Variants in LTBP2 observed in about 807,000 individuals in gnomAD.
LTBP2 encodes latent transforming growth factor beta binding protein 2, also known as latent-transforming growth factor beta-binding protein 2.
Under a neutral mutation model 210.6 loss-of-function variants are expected in LTBP2, and 103 were observed. The observed-to-expected ratio is 0.49, with a 90% confidence interval of 0.42 to 0.58. LTBP2 has a LOEUF of 0.58. Among genes scored for constraint, LTBP2 ranks in the 20% least tolerant of loss-of-function variants. The pLI is 0.00. For synonymous variants in LTBP2, 1,007 were observed against 1,015.0 expected (o/e 0.99, Z 0.15); for missense variants, 2,313 against 2,494.5 (o/e 0.93, Z 1.55).
At chr14:74,552,798 G>A in intron 5 of LTBP2, 94 bp downstream of exon 5, 1 of 1,470,090 alleles carries the variant, frequency 6.8e-7, no homozygotes, top group East Asian at 2.5e-5. Flanking sequence ...CCACAGTTTG[G>A]GAGCAGCGGG....
At chr14:74,594,438 T>A (rs2139797479) in intron 2 of LTBP2, among the ~76,000 whole-genome samples, 2 of 152,272 alleles carry the variant, frequency 1.3e-5, no homozygotes, top group South Asian at 4.2e-4. Flanking sequence ...GAAGCTCAGC[T>A]GCTTCCCAGG....
At chr14:74,540,956 T>C (rs1459855655) in intron 8 of LTBP2, among the ~76,000 whole-genome samples, 2 of 134,826 alleles carry the variant, frequency 1.5e-5, no homozygotes, top group East Asian at 4.1e-4. Flanking sequence ...TTTTTATATA[T>C]GTAGGTTAAA....
intron 3 of LTBP2, among the ~76,000 whole-genome samples, chr14:74,566,751 C>T (rs1159295001): frequency 1.3e-5 from 2 of 152,174 alleles, no homozygotes; most frequent in African/African-American, 4.8e-5. Context: ...CCCTCTCCCC[C>T]GTGTCCCCAA....
At chr14:74,542,820 G>T (rs2087526251) in intron 8 of LTBP2, among the ~76,000 whole-genome samples, 1 of 150,472 alleles carries the variant, frequency 6.6e-6, no homozygotes, top group South Asian at 2.1e-4. Context: ...AGGCTGGAGT[G>T]CAGTGGCGCG....
At position 74,555,491 on chromosome 14, in the gene LTBP2, G is replaced by A. The variant is rs778416368; in HGVS notation, c.1021+12C>T. ...CCCTGCTCTTCTAGGACCCAAGACA[G>A]GGTATCCTTACCCCAGGGGGATGAG... On this transcript the variant is annotated intron_variant, in intron 4 of 35. Coordinates refer to ENST00000261978, the MANE Select transcript of LTBP2 (RefSeq NM_000428.3). The A allele has an allele frequency of 1.9e-6, 3 of 1,612,908 alleles. No individual in the cohort carries two copies. The South Asian group carries it at 3.3e-5, about 18-fold the overall frequency.
intron 3 of LTBP2, among the ~76,000 whole-genome samples, chr14:74,558,632 A>G (rs2087757912): frequency 6.6e-6 from 1 of 151,468 alleles, no homozygotes; most frequent in African/African-American, 2.4e-5. Context: ...AGAGCTCTCC[A>G]GTCTGGTCAG....
chr14:74,575,200 C>A (rs767292673), intron 3 of LTBP2, among the ~76,000 whole-genome samples: 24 of 152,210 alleles, frequency 1.6e-4, no homozygotes, highest in African/African-American at 5.8e-4. Context: ...ACCTGTACCC[C>A]CTAAGGCCAG....
intron 3 of LTBP2, among the ~76,000 whole-genome samples, chr14:74,565,353 T>C (rs1447488419): frequency 1.3e-5 from 2 of 152,132 alleles, no homozygotes; most frequent in East Asian, 1.9e-4. Flanking sequence ...TCTTAAATGA[T>C]GATTATTGCA....
chr14:74,566,074 T>A (rs1176105508), intron 3 of LTBP2, among the ~76,000 whole-genome samples: 2 of 152,102 alleles, frequency 1.3e-5, no homozygotes, highest in Non-Finnish European at 2.9e-5. Flanking sequence ...AGCTGGGTTT[T>A]TTTTTTTAAT....
At chr14:74,589,070 A>G (rs1040792195) in intron 2 of LTBP2, among the ~76,000 whole-genome samples, 1 of 152,192 alleles carries the variant, frequency 6.6e-6, no homozygotes, top group South Asian at 2.1e-4. Flanking sequence ...GCACATCTCA[A>G]TTGGCCCTGA....
chr14:74,560,527 C>G (rs1305348212), intron 3 of LTBP2, among the ~76,000 whole-genome samples: 2 of 152,220 alleles, frequency 1.3e-5, no homozygotes, highest in Non-Finnish European at 2.9e-5. Context: ...TGCCCACACC[C>G]TGCCCGACAC....
chr14:74,548,325 G>C (rs3825711), intron 8 of LTBP2, among the ~76,000 whole-genome samples: 123,533 of 151,788 alleles, frequency 0.81, 53,109 homozygotes, highest in Non-Finnish European at 0.97. Context: ...CAGCACTCAG[G>C]ACTTGACCAG....
rs754925929 is a variant in LTBP2, at chr14:74,532,442, C to T, written c.1971G>A (p.Ser657=). 19 of 1,614,020 alleles carry T rather than the reference C, an allele frequency of 1.2e-5. No individual in the cohort carries two copies. The highest frequency in any genetic ancestry group is 3.3e-5 in the South Asian group (3 of 91,082). The change falls in exon 10 of 36, where the codon TCG becomes TCA. Residue 657 remains serine (S), a synonymous_variant. Transcript: ENST00000261978. ...TCRPGLMLDP[S]RSRCVSDKAI... ...AGCACTCACACACACAGCGGCTCCG[C>T]GATGGATCCAGCATGAGGCCAGGTC...
rs150924217 is a variant in LTBP2 at position 74,528,619 on chromosome 14, G to T, written c.2232C>A (p.Ala744=). 26 of 1,613,452 alleles carry T rather than the reference G, an allele frequency of 1.6e-5. No individual in the cohort carries two copies. The highest frequency in any genetic ancestry group is 2.1e-5 in the Non-Finnish European group (25 of 1,180,050). The change falls in exon 12 of 36, where the codon GCC becomes GCA. Residue 744 remains alanine (A), a synonymous_variant. Coordinates refer to ENST00000261978, the MANE Select transcript of LTBP2 (RefSeq NM_000428.3). ...SSDIRLSMRK[A]EEEELARPPR... ...GGGGCCTTGCCAGTTCCTCCTCCTC[G>T]GCTTTCCTCATGGACAGGCGGATGT...
At chr14:74,596,929 A>C (rs2088373804) in intron 2 of LTBP2, among the ~76,000 whole-genome samples, 1 of 147,594 alleles carries the variant, frequency 6.8e-6, no homozygotes, top group African/African-American at 2.6e-5. Flanking sequence ...AGCAGGCAGC[A>C]GATGTGAAAG....
intron 9 of LTBP2, among the ~76,000 whole-genome samples, chr14:74,534,689 A>C (rs1464629116): frequency 6.6e-6 from 1 of 152,110 alleles, no homozygotes; most frequent in East Asian, 1.9e-4. Context: ...AGCACAGTGT[A>C]TGTAGCCCAT....
At chr14:74,554,659 G>T (rs956141146) in intron 4 of LTBP2, among the ~76,000 whole-genome samples, 1 of 152,184 alleles carries the variant, frequency 6.6e-6, no homozygotes, top group Non-Finnish European at 1.5e-5. Flanking sequence ...TAGGAGGGGA[G>T]ATAAGGAGTG....
chr14:74,522,995 T>C (rs1181346988), intron 15 of LTBP2, 77 bp from the exon 16 acceptor site: 7 of 1,552,534 alleles, frequency 4.5e-6, no homozygotes, highest in Non-Finnish European at 1.7e-6. Flanking sequence ...GTGGGGACAG[T>C]CAGTGGCCAG....
rs765897698 is a variant in LTBP2 at position 74,532,492 on chromosome 14, T to C, written c.1921A>G (p.Arg641Gly). The C allele has an allele frequency of 2.4e-5, 39 of 1,614,060 alleles. No individual in the cohort carries two copies. The highest frequency in any genetic ancestry group is 3.1e-5 in the Non-Finnish European group (36 of 1,180,028). ...LCKDAECVNT[R>G]GSYLCTCRPG... The stretch of plus-strand genomic sequence containing the variant: ...CTGCATGTGCACAGGTAGCTGCCCC[T>C]GGTATTCACACACTCCGCGTCCTTG... The change falls in exon 10 of 36, where the codon AGG (arginine) becomes GGG (glycine). Residue 641 changes from arginine (R) to glycine (G), a missense_variant. Around this residue, in one of 3 missense-constraint regions of LTBP2, gnomAD observed 1,867 missense variants for 1,976.9 expected, o/e 0.94. Coordinates refer to ENST00000261978, the MANE Select transcript of LTBP2 (RefSeq NM_000428.3).
Sources: gnomAD v4.1 joint callset for allele counts (sites outside exome capture counted in the v4.1 genomes callset) on GRCh38, gnomAD v4.1.1 for gene constraint, gnomAD v4.1.1 regional missense constraint, MANE v1.5 for transcripts, NCBI Gene and HGNC (gene_info 2026-07-23, HGNC 2026-07-21) for gene names.